Variants in KANK1 observed in about 807,000 individuals in gnomAD.
KANK1 encodes KN motif and ankyrin repeat domain-containing protein 1.
Under a neutral mutation model 106.2 loss-of-function variants are expected in KANK1, and 109 were observed. The observed-to-expected ratio is 1.03, with a 90% CI of 0.88 to 1.20. The LOEUF is 1.20. Ranked by LOEUF, KANK1 falls within the 50% of genes most tolerant of loss-of-function variation. KANK1 has a pLI of 0.00. For missense variants in KANK1, 2,399 were observed against 1,710.7 expected, an observed-to-expected ratio of 1.40 and a Z score of -7.10; for synonymous variants, 873 against 652.2, an observed-to-expected ratio of 1.34 and a Z score of -5.16.
chr9:741,017 A>G lies in KANK1; in HGVS notation c.3696+83A>G, dbSNP rs12001312. On this transcript the variant is annotated intron_variant, in intron 9 of 11. Transcript: ENST00000382297. ...CGGTGGCCATTCTGGCAGAGCAGGC[A>G]TAGATGCCACGCTTCCACCACAGTG... 0.079 allele frequency: 118,295 copies of G among 1,490,264 alleles called. 7,431 individuals are homozygous for G. The highest frequency in any genetic ancestry group is 0.31 in the African/African-American group (22,141 of 71,972). The allele number at this position is 1,490,264 out of a possible 1,614,324, so 92.3% of individuals were successfully genotyped here.
chr9:525,234 A>T (rs552760126), intron 1 of KANK1, among the ~76,000 whole-genome samples: 1 of 151,392 alleles, frequency 6.6e-6, no homozygotes, highest in East Asian at 1.9e-4. Flanking sequence ...CCCTCAGGTA[A>T]TCCACCCACC....
At chr9:622,069 T>C (rs945889975) in intron 1 of KANK1, among the ~76,000 whole-genome samples, 1 of 152,220 alleles carries the variant, frequency 6.6e-6, no homozygotes, top group African/African-American at 2.4e-5. Context: ...ACAGTCTACT[T>C]TTAGAGCTTT....
chr9:740,398 A>C (rs1210346928), intron 8 of KANK1, among the ~76,000 whole-genome samples: 6 of 152,254 alleles, frequency 3.9e-5, no homozygotes, highest in African/African-American at 1.2e-4. Context: ...GCGTTTGCAA[A>C]CACTTCGTTC....
At chr9:552,670 A>T (rs971710009) in intron 1 of KANK1, among the ~76,000 whole-genome samples, 1 of 152,172 alleles carries the variant, frequency 6.6e-6, no homozygotes, top group Non-Finnish European at 1.5e-5. Flanking sequence ...CACATTCTTG[A>T]CTAATCTGCT....
intron 3 of KANK1, among the ~76,000 whole-genome samples, chr9:719,675 A>G (rs1564073282): frequency 6.6e-6 from 1 of 152,236 alleles, no homozygotes; most frequent in Non-Finnish European, 1.5e-5. Context: ...CATTCTGGAC[A>G]GATAAATGTT....
At chr9:633,226 G>A (rs541993369) in intron 1 of KANK1, among the ~76,000 whole-genome samples, 1 of 152,204 alleles carries the variant, frequency 6.6e-6, no homozygotes, top group East Asian at 1.9e-4. Context: ...GAGAGCCGAG[G>A]CGGGCAGATC....
At position 707,345 on chromosome 9, in the gene KANK1, C is replaced by T. The variant is rs963384855; in HGVS notation, c.38-3459C>T. ...GCCGGGAAGGTGCGCACTGCTGGGCCGCTTCACTCCACCGCAGGCCTACGG... is the reference window on the plus strand; with the variant it reads ...GCCGGGAAGGTGCGCACTGCTGGGCTGCTTCACTCCACCGCAGGCCTACGG... On this transcript the variant is annotated intron_variant, in intron 2 of 11. Transcript: ENST00000382297. The T allele has an allele frequency of 2.4e-5, 13 of 539,918 alleles. No individual in the cohort carries two copies. The African/African-American group carries it at 2.5e-4, about 10-fold the overall frequency. 33.4% of individuals were successfully genotyped at this position (539,918 alleles called of 1,614,324 possible).
chr9:608,490 G>C (rs1000728478), intron 1 of KANK1, among the ~76,000 whole-genome samples: 1 of 151,702 alleles, frequency 6.6e-6, no homozygotes, highest in Admixed American at 6.6e-5. Context: ...TATAAGAAAA[G>C]ATCATTGTTT....
At chr9:499,253 G>T (rs2058509560) in intron 3 of KANK1, among the ~76,000 whole-genome samples, 2 of 151,652 alleles carry the variant, frequency 1.3e-5, no homozygotes, top group South Asian at 4.2e-4. Flanking sequence ...ACCTAAGAGA[G>T]AGGAAAACAT....
chr9:481,951 G>T (rs1252114590), intron 3 of KANK1, among the ~76,000 whole-genome samples: 1 of 152,172 alleles, frequency 6.6e-6, no homozygotes, highest in Non-Finnish European at 1.5e-5. Context: ...GCGAGGAGGA[G>T]GGTCATGCTT....
chr9:722,989 A>T (rs1247775143), intron 3 of KANK1, among the ~76,000 whole-genome samples: 1 of 152,200 alleles, frequency 6.6e-6, no homozygotes, highest in African/African-American at 2.4e-5. Flanking sequence ...TTGGAATGGT[A>T]TCATAGAAAA....
intron 1 of KANK1, among the ~76,000 whole-genome samples, chr9:526,225 C>G (rs2059785753): frequency 6.6e-6 from 1 of 151,802 alleles, no homozygotes; most frequent in Non-Finnish European, 1.5e-5. Flanking sequence ...AGGCATTTCT[C>G]CCAGAGAACG....
In KANK1 at chr9:676,795, T is replaced by C; in HGVS notation, c.-83-95T>C. 6 of 560,788 alleles carry C rather than the reference T, an allele frequency of 1.1e-5. No individual in the cohort carries two copies. In the East Asian group the frequency reaches 1.8e-4, roughly 17 times the overall value. The allele number at this position is 560,788 out of a possible 1,614,324, so 34.7% of individuals were successfully genotyped here. ...TCTCCCCCCATTCCGATTTCCTTTC[T>C]CTGTTAGCAGTCATCTTTGTAAACA... is the stretch of plus-strand genomic sequence containing the variant. On this transcript the variant is annotated intron_variant, in intron 1 of 11. Coordinates refer to ENST00000382297, the MANE Select transcript of KANK1 (RefSeq NM_015158.5).
intron 3 of KANK1, among the ~76,000 whole-genome samples, chr9:721,164 G>GA (rs1829219766): frequency 6.6e-6 from 1 of 152,172 alleles, no homozygotes; most frequent in African/African-American, 2.4e-5. Context: ...AGAGCCAATG[G>GA]AAGCCCCTTG....
chr9:552,521 A>C (rs1007577633), intron 1 of KANK1, among the ~76,000 whole-genome samples: 2 of 152,154 alleles, frequency 1.3e-5, no homozygotes, highest in Non-Finnish European at 2.9e-5. Context: ...GACCTTTTAA[A>C]TATAATATGT....
chr9:653,335 C>G (rs1841348477), intron 1 of KANK1, among the ~76,000 whole-genome samples: 1 of 152,092 alleles, frequency 6.6e-6, no homozygotes, highest in African/African-American at 2.4e-5. Context: ...CTTTGCTTGT[C>G]TCCAAGCTCT....
At chr9:523,923 G>A (rs1046497739) in intron 1 of KANK1, among the ~76,000 whole-genome samples, 4 of 151,428 alleles carry the variant, frequency 2.6e-5, no homozygotes, top group African/African-American at 9.8e-5. Flanking sequence ...GCTTTTCCAG[G>A]GCAGGAACCT....
intron 2 of KANK1, chr9:693,449 T>C (rs1735451407): frequency 3.0e-6 from 3 of 985,332 alleles, no homozygotes; most frequent in African/African-American, 1.7e-5. Context: ...GCTGCATTTC[T>C]AGGTCAGCAT....
intron 7 of KANK1, among the ~76,000 whole-genome samples, chr9:737,316 C>T (rs1834053400): frequency 6.6e-6 from 1 of 152,190 alleles, no homozygotes; most frequent in Admixed American, 6.5e-5. Context: ...GATGGAAGCT[C>T]TATAATCCCA....
Sources: gnomAD v4.1 joint callset for allele counts (sites outside exome capture counted in the v4.1 genomes callset) on GRCh38, gnomAD v4.1.1 for gene constraint, MANE v1.5 for transcripts, NCBI Gene and HGNC (gene_info 2026-07-23, HGNC 2026-07-21) for gene names.